Variants in COL6A6 observed in about 807,000 individuals in gnomAD.
COL6A6 encodes the protein collagen alpha-6(VI) chain.
COL6A6 carries 183 observed loss-of-function variants against 208.6 expected under a neutral mutation model. That is an observed-to-expected ratio of 0.88 (90% CI 0.78 to 0.99). The LOEUF (loss-of-function observed/expected upper bound fraction) is 0.99, where lower values mean the gene tolerates loss of function less well. Ranked by LOEUF, COL6A6 falls within the 50% of genes least tolerant of loss-of-function variation. COL6A6 has a pLI of 0.00. For missense variants in COL6A6, 2,816 were observed against 2,815.2 expected, an observed-to-expected ratio of 1.00 and a Z score of -0.01; for synonymous variants, 973 against 1,011.8, an observed-to-expected ratio of 0.96 and a Z score of 0.73.
intron 6 of COL6A6, 27 bp from the exon 7 acceptor site, chr3:130,570,791 T>C: frequency 4.5e-6 from 7 of 1,564,990 alleles, no homozygotes; most frequent in Non-Finnish European, 6.1e-6. Context: ...TAATCTCATA[T>C]GGTTTACCTC....
chr3:130,525,702 A>T (rs1426293662), intron 1 of COL6A6, among the ~76,000 whole-genome samples: 5 of 152,134 alleles, frequency 3.3e-5, no homozygotes, highest in Non-Finnish European at 1.5e-5. Context: ...TTCCAGTCTC[A>T]TTCAGTGCCA....
chr3:130,627,337 G>T lies in COL6A6; in HGVS notation c.4960G>T (p.Gly1654Cys). ...RGLQGNDGSP[G>C]YGSVGRKGAK... ...TTTACAGGGCAATGATGGCAGTCCA[G>T]GTTATGGTAGTGTCGGACGCAAGGG... The change falls in exon 26 of 37, where the codon GGT becomes TGT. Residue 1654 changes from glycine (G) to cysteine (C), a missense_variant. Gly to Cys is a radical substitution (Grantham distance 159). Coordinates refer to ENST00000358511, the MANE Select transcript of COL6A6 (RefSeq NM_001102608.3). The T allele has an allele frequency of 2.5e-6, 4 of 1,613,784 alleles. No individual in the cohort carries two copies. Among genetic ancestry groups the T allele is most frequent in the Non-Finnish European group, 3.4e-6 (4 of 1,179,696 alleles).
At chr3:130,518,326 C>T (rs908607046) in intron 1 of COL6A6, among the ~76,000 whole-genome samples, 1 of 152,060 alleles carries the variant, frequency 6.6e-6, no homozygotes, top group Non-Finnish European at 1.5e-5. Flanking sequence ...AGTCATGTTA[C>T]TTTTTCTAAA....
intron 23 of COL6A6, among the ~76,000 whole-genome samples, chr3:130,620,626 G>A (rs1034590217): frequency 6.6e-6 from 1 of 151,640 alleles, no homozygotes; most frequent in African/African-American, 2.4e-5. Context: ...GGAGAGATAG[G>A]GTATTATGGA....
intron 33 of COL6A6, among the ~76,000 whole-genome samples, chr3:130,655,752 G>T (rs1012818905): frequency 1.3e-5 from 2 of 152,222 alleles, no homozygotes; most frequent in Admixed American, 6.5e-5. Flanking sequence ...GATCTTTGGG[G>T]TGTTGCTCCA....
At chr3:130,573,262 T>A (rs1418777054) in intron 7 of COL6A6, among the ~76,000 whole-genome samples, 1 of 152,194 alleles carries the variant, frequency 6.6e-6, no homozygotes, top group East Asian at 1.9e-4. Flanking sequence ...TGTATGTGTG[T>A]TTTGTTTTCT....
At chr3:130,544,006 AAC>A (rs1208304510) in intron 1 of COL6A6, among the ~76,000 whole-genome samples, 3 of 152,314 alleles carry the variant, frequency 2.0e-5, no homozygotes, top group Middle Eastern at 3.4e-3. Flanking sequence ...TCATTCATCT[AAC>A]ACAGTGGCAG....
intron 33 of COL6A6, among the ~76,000 whole-genome samples, chr3:130,655,602 A>G (rs1489106638): frequency 1.3e-5 from 2 of 152,210 alleles, no homozygotes; most frequent in Non-Finnish European, 2.9e-5. Flanking sequence ...AGGTATATTT[A>G]CCTGGTCACT....
chr3:130,560,420 A>G lies in COL6A6; in HGVS notation c.56A>G (p.Gln19Arg). ...VIICSHISVN[Q>R]DSGPEYADVV... is the part of the protein sequence containing the mutation. ...ATTTGTTCCCATATTTCTGTGAACC[A>G]AGATTCCGGTAAGGAAAAACTGGAA... The change falls in exon 2 of 37, where the codon CAA (glutamine) becomes CGA (arginine). Residue 19 changes from glutamine (Q) to arginine (R), a missense_variant. By Grantham distance (43) the Gln-to-Arg change is conservative. Transcript: ENST00000358511. 1 of 1,611,392 alleles carries G rather than the reference A, an allele frequency of 6.2e-7. No individual in the cohort carries two copies. The highest frequency in any genetic ancestry group is 8.5e-7 in the Non-Finnish European group (1 of 1,178,606).
intron 19 of COL6A6, 128 bp downstream of exon 19, chr3:130,598,558 A>G (rs991103738): frequency 2.4e-5 from 16 of 658,138 alleles, no homozygotes; most frequent in Non-Finnish European, 4.0e-5. Context: ...AAAAACCATT[A>G]TTAGGAGCAA....
At chr3:130,638,903 T>C (rs1576375700) in intron 28 of COL6A6, among the ~76,000 whole-genome samples, 1 of 152,338 alleles carries the variant, frequency 6.6e-6, no homozygotes, top group South Asian at 2.1e-4. Flanking sequence ...TTTTATGAGT[T>C]GATGTCCATT....
intron 1 of COL6A6, among the ~76,000 whole-genome samples, chr3:130,519,805 C>G (rs1710959812): frequency 6.6e-6 from 1 of 152,166 alleles, no homozygotes; most frequent in Non-Finnish European, 1.5e-5. Context: ...GGTGGTAAAG[C>G]CATCATCATC....
chr3:130,627,736 T>A (rs923433750), intron 26 of COL6A6, among the ~76,000 whole-genome samples: 1 of 152,098 alleles, frequency 6.6e-6, no homozygotes, highest in African/African-American at 2.4e-5. Flanking sequence ...TAGCCAGTAA[T>A]GAGAGGTTGT....
rs1433720619 is a variant in COL6A6 at position 130,661,952 on chromosome 3, A to G, written c.6146A>G (p.His2049Arg). ...AAGCGCCTCATGAAGAGGCATGTGC[A>G]CGAGTCAGTTAAACAACTAAATGGA... The part of the protein sequence containing the change: ...RSKRLMKRHV[H>R]ESVKQLNGDA... Residue 2049 changes from histidine (H) to arginine (R), a missense_variant, in exon 35 of 37, where the codon CAC (histidine) becomes CGC (arginine). Physicochemically the swap from His to Arg is conservative, Grantham distance 29. Transcript: ENST00000358511. The G allele has an allele frequency of 1.9e-6, 3 of 1,614,048 alleles. No homozygotes were observed. Among genetic ancestry groups the G allele is most frequent in the Non-Finnish European group, 2.5e-6 (3 of 1,179,894 alleles).
intron 8 of COL6A6, among the ~76,000 whole-genome samples, chr3:130,580,236 A>C (rs1221473270): frequency 6.6e-6 from 1 of 152,208 alleles, no homozygotes; most frequent in Non-Finnish European, 1.5e-5. Context: ...TGCAAGAGGA[A>C]TTTTGGAAAG....
intron 33 of COL6A6, among the ~76,000 whole-genome samples, chr3:130,653,512 T>C (rs79584135): frequency 0.015 from 2,256 of 152,282 alleles, 30 homozygotes; most frequent in Non-Finnish European, 0.024. Flanking sequence ...CCATGATGTT[T>C]AGAGAAGAAA....
chr3:130,581,107 C>A (rs557149228), intron 8 of COL6A6, among the ~76,000 whole-genome samples: 1 of 151,298 alleles, frequency 6.6e-6, no homozygotes, highest in East Asian at 1.9e-4. Flanking sequence ...TTAGATGAGT[C>A]CTTTGTGATT....
At chr3:130,546,187 T>C (rs1185266078) in intron 1 of COL6A6, among the ~76,000 whole-genome samples, 1 of 152,168 alleles carries the variant, frequency 6.6e-6, no homozygotes, top group African/African-American at 2.4e-5. Context: ...AAAGATGGTG[T>C]GTCCGGAGTT....
intron 6 of COL6A6, 43 bp downstream of exon 6, chr3:130,568,647 G>A (rs764035138): frequency 5.4e-6 from 8 of 1,475,968 alleles, no homozygotes; most frequent in East Asian, 4.5e-5. Context: ...CCGAACAACA[G>A]ATGTCTTTTT....
Sources: gnomAD v4.1 joint callset for allele counts (sites outside exome capture counted in the v4.1 genomes callset) on GRCh38, gnomAD v4.1.1 for gene constraint, MANE v1.5 for transcripts, NCBI Gene and HGNC (gene_info 2026-07-23, HGNC 2026-07-21) for gene names.